Variants in ARHGEF28 observed in about 807,000 individuals in gnomAD.
ARHGEF28 encodes the protein 190 kDa guanine nucleotide exchange factor.
ARHGEF28 carries 152 observed loss-of-function variants against 206.6 expected under a neutral mutation model. That is an observed-to-expected ratio of 0.74 (90% CI 0.64 to 0.84). ARHGEF28 has a LOEUF of 0.84. Ranked by LOEUF, ARHGEF28 falls within the 40% of genes least tolerant of loss-of-function variation. The pLI is 0.00. For synonymous variants in ARHGEF28, 763 were observed against 776.4 expected, an observed-to-expected ratio of 0.98 and a Z score of 0.29; for missense variants, 2,028 against 2,073.2, an observed-to-expected ratio of 0.98 and a Z score of 0.42.
At chr5:73,681,919 G>A (rs181684417) in intron 1 of ARHGEF28, among the ~76,000 whole-genome samples, 9 of 152,206 alleles carry the variant, frequency 5.9e-5, no homozygotes, top group South Asian at 2.1e-4. Flanking sequence ...AAACAACATA[G>A]CAAGACCCTA....
At chr5:73,630,099 A>C (rs7720633) in intron 1 of ARHGEF28, among the ~76,000 whole-genome samples, 3,731 of 152,318 alleles carry the variant, frequency 0.024, 164 homozygotes, top group African/African-American at 0.085. Context: ...CCTTTAAAAA[A>C]TATACACTTG....
At chr5:73,821,460 A>T (rs1461683869) in intron 9 of ARHGEF28, among the ~76,000 whole-genome samples, 10 of 152,186 alleles carry the variant, frequency 6.6e-5, no homozygotes, top group Admixed American at 4.6e-4. Flanking sequence ...AGAGCTCCTC[A>T]TGAATTTGAA....
intron 1 of ARHGEF28, among the ~76,000 whole-genome samples, chr5:73,647,251 A>C (rs1197841839): frequency 6.6e-6 from 1 of 152,218 alleles, no homozygotes; most frequent in African/African-American, 2.4e-5. Flanking sequence ...TAGGCTATGC[A>C]TATAAGACAT....
At chr5:73,699,409 G>T (rs1280036885) in intron 2 of ARHGEF28, among the ~76,000 whole-genome samples, 1 of 151,910 alleles carries the variant, frequency 6.6e-6, no homozygotes, top group African/African-American at 2.4e-5. Context: ...GCGGGGGGAG[G>T]GGAGAGAGGA....
Position 73,883,903 on chromosome 5 carries a change from G to C in ARHGEF28, c.3055+19G>C. ...ACAAAGGGTAAGTTGTGACTTCTGG[G>C]ATAAAAATTTGCCCCTCTTATTAGT... On this transcript the variant is annotated intron_variant, in intron 24 of 35. Transcript: ENST00000513042. 6.8e-7 allele frequency: 1 copy of C among 1,460,346 alleles called. No homozygotes were observed. Among genetic ancestry groups the C allele is most frequent in the East Asian group, 2.6e-5 (1 of 37,962 alleles). 90.5% of individuals were successfully genotyped at this position (1,460,346 alleles called of 1,614,324 possible).
chr5:73,841,516 G>A (rs1469911191), intron 11 of ARHGEF28, among the ~76,000 whole-genome samples: 1 of 151,926 alleles, frequency 6.6e-6, no homozygotes, highest in Admixed American at 6.6e-5. Flanking sequence ...GACCAGCATG[G>A]GCAACATGGT....
intron 16 of ARHGEF28, among the ~76,000 whole-genome samples, chr5:73,860,025 G>T (rs1759293280): frequency 6.6e-6 from 1 of 152,186 alleles, no homozygotes; most frequent in African/African-American, 2.4e-5. Context: ...TCATTGTTCA[G>T]ACTCACTGGT....
chr5:73,779,029 G>A (rs1050909581), intron 6 of ARHGEF28, among the ~76,000 whole-genome samples: 2 of 152,196 alleles, frequency 1.3e-5, no homozygotes, highest in Non-Finnish European at 1.5e-5. Context: ...GTAGAACAAT[G>A]ACAGTAAAAC....
At chr5:73,866,041 T>A (rs1409934388) in intron 18 of ARHGEF28, 28 bp downstream of exon 18, 12 of 1,546,140 alleles carry the variant, frequency 7.8e-6, no homozygotes, top group Non-Finnish European at 9.7e-6. Flanking sequence ...CGACAAGAAC[T>A]TTTAAAAATT....
intron 1 of ARHGEF28, among the ~76,000 whole-genome samples, chr5:73,652,859 C>T (rs371911856): frequency 6.6e-6 from 1 of 152,082 alleles, no homozygotes; most frequent in African/African-American, 2.4e-5. Flanking sequence ...AGTTAGAAAA[C>T]GGGCAGATGG....
At chr5:73,661,665 G>A (rs192166266) in intron 1 of ARHGEF28, among the ~76,000 whole-genome samples, 1 of 151,992 alleles carries the variant, frequency 6.6e-6, no homozygotes, top group Non-Finnish European at 1.5e-5. Flanking sequence ...TCAATATTGT[G>A]TCTCAGGGAA....
chr5:73,844,840 T>C (rs544158746), intron 11 of ARHGEF28, among the ~76,000 whole-genome samples: 1 of 150,648 alleles, frequency 6.6e-6, no homozygotes, highest in East Asian at 1.9e-4. Flanking sequence ...AGGAAAGCTG[T>C]TGGCCTCCAA....
intron 2 of ARHGEF28, among the ~76,000 whole-genome samples, chr5:73,687,351 ATATCT>A (rs1346281628): frequency 1.3e-5 from 2 of 150,220 alleles, no homozygotes; most frequent in African/African-American, 2.5e-5. Context: ...ATAAATAATG[ATATCT>A]TAGATAAAAT....
rs541652170 is a variant in ARHGEF28 at position 73,676,983 on chromosome 5, A to G, written c.-11-7858A>G. 4.6e-5 allele frequency among the ~76,000 whole-genome samples: 7 copies of G among 152,364 alleles called. No homozygotes were observed. The South Asian group carries it at 1.4e-3, about 32-fold the overall frequency. ...TATTAAAAATGCCATGCTTTAAAAA[A>G]TGTTCTAAATGTATTGTAAGTTGAT... On this transcript the variant is annotated intron_variant, in intron 1 of 35. Coordinates refer to ENST00000513042, the MANE Select transcript of ARHGEF28 (RefSeq NM_001177693.2).
intron 9 of ARHGEF28, chr5:73,813,716 A>G: frequency 6.6e-7 from 1 of 1,513,622 alleles, no homozygotes; most frequent in Non-Finnish European, 8.9e-7. Context: ...GCAAAACCAG[A>G]CATCCTATTC....
chr5:73,745,911 G>A (rs1169473786), intron 2 of ARHGEF28, among the ~76,000 whole-genome samples: 1 of 152,062 alleles, frequency 6.6e-6, no homozygotes, highest in Non-Finnish European at 1.5e-5. Context: ...ATTTGGTTTG[G>A]CCACCAGCAA....
At chr5:73,802,195 T>C (rs1055295557) in intron 9 of ARHGEF28, among the ~76,000 whole-genome samples, 9 of 152,196 alleles carry the variant, frequency 5.9e-5, no homozygotes, top group African/African-American at 2.2e-4. Context: ...TCCTAACCAC[T>C]TCAATTTATG....
chr5:73,662,122 T>C (rs563733295), intron 1 of ARHGEF28, among the ~76,000 whole-genome samples: 8 of 152,352 alleles, frequency 5.3e-5, no homozygotes, highest in South Asian at 2.1e-4. Flanking sequence ...TTACATTTCT[T>C]TTCCAGAACA....
chr5:73,865,753 A>G lies in ARHGEF28; in HGVS notation c.2104-212A>G, dbSNP rs72772555. The stretch of plus-strand genomic sequence containing the variant: ...GAAGCCAGGAGTGTTCAGGAGGCGC[A>G]TGTTCACAAGGCCCCTTCATTATAA... On this transcript the variant is annotated intron_variant, in intron 17 of 35. Coordinates refer to ENST00000513042, the MANE Select transcript of ARHGEF28 (RefSeq NM_001177693.2). Among the ~76,000 whole-genome samples the G allele has an allele frequency of 0.037, 5,655 of 152,266 alleles. 177 individuals are homozygous for G. The highest frequency in any genetic ancestry group is 0.053 in the Non-Finnish European group (3,605 of 68,010).
Sources: gnomAD v4.1 joint callset for allele counts (sites outside exome capture counted in the v4.1 genomes callset) on GRCh38, gnomAD v4.1.1 for gene constraint, MANE v1.5 for transcripts, NCBI Gene and HGNC (gene_info 2026-07-23, HGNC 2026-07-21) for gene names.